Variants in RARG observed in about 807,000 individuals in gnomAD.
RARG encodes retinoic acid receptor gamma.
In RARG, 17 loss-of-function variants were observed where a neutral mutation model predicts 43.7. The observed-to-expected ratio is 0.39, with a 90% CI of 0.27 to 0.58. The LOEUF (loss-of-function observed/expected upper bound fraction) is 0.58, where lower values mean the gene tolerates loss of function less well. Among genes scored for constraint, RARG ranks in the 20% least tolerant of loss-of-function variants. RARG has a pLI of 0.57. For missense variants in RARG, 346 were observed against 598.7 expected (o/e 0.58, Z 4.40); for synonymous variants, 238 against 236.4 (o/e 1.01, Z -0.06).
At chr12:53,214,966 C>T (rs1169140812) in intron 5 of RARG, 1 of 419,698 alleles carries the variant, frequency 2.4e-6, no homozygotes, top group East Asian at 4.1e-5. Context: ...AGGAGCCACC[C>T]CATATCCATC....
Position 53,214,455 on chromosome 12 carries a change from C to T in RARG, c.627G>A (p.Lys209=), listed in dbSNP as rs770916788. The T allele has an allele frequency of 8.7e-6, 14 of 1,613,058 alleles. No individual in the cohort carries two copies. Among genetic ancestry groups the T allele is most frequent in the Non-Finnish European group, 1.1e-5 (13 of 1,179,128 alleles). ...ETFPSLCQLG[K]YTTNSSADHR... Reference sequence around the variant, plus strand: ...TCTGCCCATTCCTCACCGTGGTATACTTGCCCAGCTGGCAGAGCGAGGGGA... The same window carrying T: ...TCTGCCCATTCCTCACCGTGGTATATTTGCCCAGCTGGCAGAGCGAGGGGA... The change falls in exon 6 of 10, where the codon AAG becomes AAA. Residue 209 remains lysine, a synonymous_variant. Transcript: ENST00000425354.
In RARG at chr12:53,215,584, T is replaced by C. The variant is rs140167108; in HGVS notation, c.333+62A>G. The C allele has an allele frequency of 4.4e-4, 706 of 1,586,920 alleles. 5 individuals are homozygous for C. The East Asian group carries it at 0.012, about 27-fold the overall frequency. On this transcript the variant is annotated intron_variant, in intron 4 of 9. Coordinates refer to ENST00000425354, the MANE Select transcript of RARG (RefSeq NM_000966.6). The surrounding 1 kb of genome is among the most constrained non-coding windows in gnomAD (Gnocchi z 6.4). Reference sequence around the variant, plus strand: ...TGCTCAGACACAGCATCTGTGTGCCTGGTCTCTCATCTTACTAGGGTAACT... The same window carrying C: ...TGCTCAGACACAGCATCTGTGTGCCCGGTCTCTCATCTTACTAGGGTAACT...
rs1357655650 is a variant in RARG, at chr12:53,211,640, C to A, written c.*36G>T. 6.4e-6 allele frequency: 9 copies of A among 1,410,632 alleles called. No homozygotes were observed. Among genetic ancestry groups the A allele is most frequent in the Non-Finnish European group, 5.6e-6 (6 of 1,078,194 alleles). 87.4% of individuals were successfully genotyped at this position (1,410,632 alleles called of 1,614,324 possible). A position where few individuals can be genotyped will look rare whatever the true frequency, so the allele number is the denominator to read the frequency against. ...GAGATGGTCAGTCTGCTGCCTGAAGCCCCAACCCCCACAGCGGGGAGGTCA... is the reference window on the plus strand; with the variant it reads ...GAGATGGTCAGTCTGCTGCCTGAAGACCCAACCCCCACAGCGGGGAGGTCA... On this transcript the variant is annotated 3_prime_UTR_variant, in exon 10 of 10. Transcript: ENST00000425354. This position sits in a 1 kb window ranked among gnomAD's most constrained non-coding sequence, Gnocchi z 4.6.
rs1412132511 is a variant in RARG at position 53,227,145 on chromosome 12, CAGG to C, written c.184+214_184+216del. ...CCTGCTACCTCCCTATCCTATTTGA[CAGG>C]AGAACTCTCATTTGCAAACACTTCC... is the stretch of plus-strand genomic sequence containing the variant. On this transcript the variant is annotated intron_variant, in intron 3 of 9. Transcript: ENST00000425354. The surrounding 1 kb of genome is among the most constrained non-coding windows in gnomAD (Gnocchi z 4.3). Among the ~76,000 whole-genome samples, 3 of 93,568 alleles carry C rather than the reference CAGG, an allele frequency of 3.2e-5. No individual in the cohort carries two copies. Among genetic ancestry groups the C allele is most frequent in the Non-Finnish European group, 5.3e-5 (3 of 56,814 alleles). 61.4% of individuals were successfully genotyped at this position (93,568 alleles called of 152,430 possible).
intron 3 of RARG, among the ~76,000 whole-genome samples, chr12:53,223,420 A>G (rs546774599): frequency 1.3e-3 from 164 of 122,680 alleles, no homozygotes; most frequent in African/African-American, 4.8e-3. Flanking sequence ...CAAAGCAGGG[A>G]TGTGAGGCGC....
chr12:53,215,544 T>G lies in RARG; in HGVS notation c.333+102A>C. On this transcript the variant is annotated intron_variant, in intron 4 of 9. Coordinates refer to ENST00000425354, the MANE Select transcript of RARG (RefSeq NM_000966.6). This position sits in a 1 kb window ranked among gnomAD's most constrained non-coding sequence, Gnocchi z 6.4. ...CCTGACCTAATCTATTAACCACCTA[T>G]GTGCAAAGCAGTGCTGCTCAGACAC... The G allele has an allele frequency of 6.3e-7, 1 of 1,585,026 alleles. No homozygotes were observed. Among genetic ancestry groups the G allele is most frequent in the Non-Finnish European group, 8.6e-7 (1 of 1,160,042 alleles).
At chr12:53,219,942 G>A (rs1366202957) in intron 3 of RARG, 7 of 1,506,944 alleles carry the variant, frequency 4.6e-6, no homozygotes, top group Non-Finnish European at 6.2e-6. Context: ...CCGGACTCCG[G>A]TACCTACATT....
At chr12:53,222,233 G>C (rs73309181) in intron 3 of RARG, among the ~76,000 whole-genome samples, 4 of 149,686 alleles carry the variant, frequency 2.7e-5, no homozygotes, top group South Asian at 4.2e-4. Context: ...AAGAAAGAGA[G>C]AGAAAGAAAA....
At chr12:53,221,003 C>T (rs1942943049) in intron 3 of RARG, among the ~76,000 whole-genome samples, 2 of 152,038 alleles carry the variant, frequency 1.3e-5, no homozygotes, top group African/African-American at 4.8e-5. Context: ...CTCCTCCTTC[C>T]TTCCCGTCTC....
chr12:53,231,269 G>A (rs1304209422), intron 1 of RARG, 34 bp from the exon 2 acceptor site: 2 of 152,248 alleles, frequency 1.3e-5, no homozygotes, highest in African/African-American at 4.8e-5. Flanking sequence ...GTGGAACTCT[G>A]GGACCAGCAC....
chr12:53,214,312 C>G (rs1942695590), intron 6 of RARG, 77 bp from the exon 7 acceptor site: 3 of 1,542,214 alleles, frequency 1.9e-6, no homozygotes, highest in South Asian at 2.3e-5. Flanking sequence ...CTACCAATAT[C>G]CCAAGCTCTC....
chr12:53,214,510 G>A lies in RARG; in HGVS notation c.572C>T (p.Thr191Ile), dbSNP rs1057429332. ...CTCCTGATGGGCTTTGCTGACCTTGGTGATGAGCTCTTCTAACTGAGGGCT... is the reference window on the plus strand; with the variant it reads ...CTCCTGATGGGCTTTGCTGACCTTGATGATGAGCTCTTCTAACTGAGGGCT... ...ELSPQLEELI[T>I]KVSKAHQETF... The change falls in exon 6 of 10, where the codon ACC (threonine) becomes ATC (isoleucine). Residue 191 changes from threonine to isoleucine, a missense_variant. Around this residue, in one of 8 missense-constraint regions of RARG, gnomAD observed 67 missense variants for 79.6 expected, o/e 0.84. Coordinates refer to ENST00000425354, the MANE Select transcript of RARG (RefSeq NM_000966.6). 1.2e-6 allele frequency: 2 copies of A among 1,613,986 alleles called. No individual in the cohort carries two copies. The highest frequency in any genetic ancestry group is 1.7e-6 in the Non-Finnish European group (2 of 1,179,852).
At chr12:53,216,841 T>TGTGTGTGTGTGTGC (rs1430491578) in intron 3 of RARG, among the ~76,000 whole-genome samples, 35 of 129,436 alleles carry the variant, frequency 2.7e-4, no homozygotes, top group African/African-American at 1.1e-3. Flanking sequence ...TGTGTGTGTG[T>TGTGTGTGTGTGTGC]GCGCGCGCGC....
intron 3 of RARG, among the ~76,000 whole-genome samples, chr12:53,219,154 CCCCCA>C (rs1189282173): frequency 1.8e-4 from 28 of 152,202 alleles, no homozygotes; most frequent in Non-Finnish European, 3.1e-4. Context: ...TTCAGGCCAC[CCCCCA>C]CCACACACAC....
chr12:53,219,319 T>G (rs1401680555), intron 3 of RARG, among the ~76,000 whole-genome samples: 1 of 152,236 alleles, frequency 6.6e-6, no homozygotes, highest in Non-Finnish European at 1.5e-5. Flanking sequence ...CTTCTCCCTC[T>G]TGTGTGCACA....
At chr12:53,228,990 A>G (rs1331188742) in intron 2 of RARG, among the ~76,000 whole-genome samples, 5 of 152,098 alleles carry the variant, frequency 3.3e-5, no homozygotes, top group African/African-American at 1.2e-4. Flanking sequence ...AGCCCAGGGG[A>G]AGGGGAGGAG....
chr12:53,223,474 G>A (rs1345870386), intron 3 of RARG, among the ~76,000 whole-genome samples: 1 of 151,476 alleles, frequency 6.6e-6, no homozygotes, highest in Non-Finnish European at 1.5e-5. Context: ...GGCCAGGAGA[G>A]GGGGGTGCAG....
intron 5 of RARG, 175 bp from the exon 6 acceptor site, chr12:53,214,781 C>T (rs1034717183): frequency 2.6e-5 from 18 of 704,632 alleles, no homozygotes; most frequent in Non-Finnish European, 3.7e-5. Context: ...CAGGCTGGTT[C>T]TCCCCAGCCC....
intron 9 of RARG, among the ~76,000 whole-genome samples, chr12:53,212,727 A>AAT (rs775006726): frequency 0.036 from 5,237 of 144,648 alleles, 98 homozygotes; most frequent in East Asian, 0.092. Context: ...TTTGTCTCTA[A>AAT]ATATATATAT....
Sources: gnomAD v4.1 joint callset for allele counts (sites outside exome capture counted in the v4.1 genomes callset) on GRCh38, gnomAD v4.1.1 for gene constraint, gnomAD v4.1.1 regional missense constraint, Gnocchi (gnomAD v3.1) non-coding constraint, MANE v1.5 for transcripts, NCBI Gene and HGNC (gene_info 2026-07-23, HGNC 2026-07-21) for gene names.